Variants in FAR2 observed in about 807,000 individuals in gnomAD.
The protein encoded by FAR2 is fatty acyl-CoA reductase 2.
FAR2 carries 19 observed loss-of-function variants against 56.0 expected under a neutral mutation model. The ratio of observed to expected loss-of-function variants is 0.34; its 90% CI spans 0.24 to 0.50. FAR2 has a LOEUF of 0.50. FAR2 is among the 20% of genes least tolerant of loss of function. FAR2 has a pLI of 0.98. For missense variants in FAR2, 508 were observed against 642.2 expected, an observed-to-expected ratio of 0.79 and a Z score of 2.26; for synonymous variants, 219 against 218.8, an observed-to-expected ratio of 1.00 and a Z score of -0.01.
chr12:29,238,568 A>C (rs1947977650), intron 1 of FAR2, among the ~76,000 whole-genome samples: 1 of 152,140 alleles, frequency 6.6e-6, no homozygotes, highest in South Asian at 2.1e-4. Context: ...AAGAGTATAG[A>C]GAAATCCTGA....
chr12:29,180,982 C>A lies in FAR2; in HGVS notation c.-39+31575C>A, dbSNP rs572448620. 9.2e-5 allele frequency among the ~76,000 whole-genome samples: 14 copies of A among 152,158 alleles called. No homozygotes were observed. The East Asian group carries it at 2.7e-3, about 29-fold the overall frequency. ...AGCTTCTTTTTTTATCTTTTCCAAG[C>A]ACATATATTTTTACATAATCAATAT... is the stretch of plus-strand genomic sequence containing the variant. On this transcript the variant is annotated intron_variant, in intron 1 of 11. Coordinates refer to ENST00000536681, the MANE Select transcript of FAR2 (RefSeq NM_001271783.2).
chr12:29,232,133 C>T (rs1192665617), intron 1 of FAR2, among the ~76,000 whole-genome samples: 1 of 152,168 alleles, frequency 6.6e-6, no homozygotes, highest in East Asian at 1.9e-4. Context: ...GGTCCCAAGA[C>T]TGAACTATTT....
chr12:29,311,666 T>TCTCACACACACA (rs1555123662), intron 7 of FAR2, among the ~76,000 whole-genome samples: 13 of 147,426 alleles, frequency 8.8e-5, no homozygotes, highest in East Asian at 7.9e-4. Flanking sequence ...AACATCTCTT[T>TCTCACACACACA]CACACACACA....
At chr12:29,203,330 C>T (rs4931166) in intron 1 of FAR2, among the ~76,000 whole-genome samples, 70,820 of 152,116 alleles carry the variant, frequency 0.47, 17,707 homozygotes, top group Admixed American at 0.58. Flanking sequence ...TTGCATTTAT[C>T]GTTTTTGCAG....
intron 1 of FAR2, among the ~76,000 whole-genome samples, chr12:29,203,999 CAAAAAAAAAAAAA>C (rs34399942): frequency 5.9e-5 from 4 of 68,116 alleles, no homozygotes; most frequent in East Asian, 4.5e-4. Flanking sequence ...GATTCCATCT[CAAAAAAAAAAAAA>C]AAAAAAAAAA....
chr12:29,179,718 A>G (rs1305568817), intron 1 of FAR2, among the ~76,000 whole-genome samples: 1 of 152,180 alleles, frequency 6.6e-6, no homozygotes. Flanking sequence ...CATGGAGAGA[A>G]TCAAACTCTG....
At chr12:29,297,294 A>C (rs1458043108) in intron 4 of FAR2, 94 bp downstream of exon 4, 8 of 1,266,002 alleles carry the variant, frequency 6.3e-6, no homozygotes, top group African/African-American at 3.0e-5. Flanking sequence ...TGATGAAGTC[A>C]AACACTTTTG....
chr12:29,252,261 G>A (rs1193568472), intron 1 of FAR2, among the ~76,000 whole-genome samples: 1 of 152,126 alleles, frequency 6.6e-6, no homozygotes, highest in African/African-American at 2.4e-5. Flanking sequence ...TAAGGTCAAT[G>A]GAAAATTGCA....
intron 1 of FAR2, among the ~76,000 whole-genome samples, chr12:29,170,938 G>A (rs569788627): frequency 1.9e-4 from 29 of 152,294 alleles, no homozygotes; most frequent in Middle Eastern, 6.8e-3. Flanking sequence ...ATTTCCTTGT[G>A]GTATTTAATG....
chr12:29,262,964 T>C (rs1948448210), intron 1 of FAR2, among the ~76,000 whole-genome samples: 1 of 152,142 alleles, frequency 6.6e-6, no homozygotes, highest in Non-Finnish European at 1.5e-5. Flanking sequence ...AGATATTTCA[T>C]GCTAATGGAA....
chr12:29,182,313 C>G (rs1380007340), intron 1 of FAR2, among the ~76,000 whole-genome samples: 1 of 152,206 alleles, frequency 6.6e-6, no homozygotes, highest in African/African-American at 2.4e-5. Context: ...CTTTTATTCC[C>G]TTATTTGTCC....
intron 1 of FAR2, among the ~76,000 whole-genome samples, chr12:29,238,717 A>G (rs1947979842): frequency 6.6e-6 from 1 of 152,188 alleles, no homozygotes; most frequent in South Asian, 2.1e-4. Context: ...TTTGTTGTTT[A>G]TTGATCAAAA....
At chr12:29,204,462 G>A (rs1457834940) in intron 1 of FAR2, among the ~76,000 whole-genome samples, 1 of 152,162 alleles carries the variant, frequency 6.6e-6, no homozygotes, top group Non-Finnish European at 1.5e-5. Context: ...GGGCCTCTAT[G>A]GGGATGAGGC....
At chr12:29,155,495 C>T (rs958929342) in intron 1 of FAR2, among the ~76,000 whole-genome samples, 1 of 152,218 alleles carries the variant, frequency 6.6e-6, no homozygotes, top group Non-Finnish European at 1.5e-5. Context: ...CTCTGTGTTC[C>T]AGCCCAGGGG....
At position 29,168,034 on chromosome 12, in the gene FAR2, A is replaced by G. The variant is rs1591827115; in HGVS notation, c.-39+18627A>G. Among the ~76,000 whole-genome samples, 3 of 152,218 alleles carry G rather than the reference A, an allele frequency of 2.0e-5. No individual in the cohort carries two copies. In the East Asian group the frequency reaches 5.8e-4, roughly 29 times the overall value. On this transcript the variant is annotated intron_variant, in intron 1 of 11. Transcript: ENST00000536681. Reference sequence around the variant, plus strand: ...TCAAAATAAATGTGCATACCCTCATAGATGAAATACAAATAGTTTTTTTAC... The same window carrying G: ...TCAAAATAAATGTGCATACCCTCATGGATGAAATACAAATAGTTTTTTTAC...
chr12:29,263,569 T>C (rs1163015930), intron 1 of FAR2, among the ~76,000 whole-genome samples: 3 of 151,806 alleles, frequency 2.0e-5, no homozygotes, highest in Non-Finnish European at 4.4e-5. Flanking sequence ...AATGAAGAAA[T>C]TGAAAATTTA....
chr12:29,200,898 A>C (rs1169896861), intron 1 of FAR2, among the ~76,000 whole-genome samples: 2 of 152,198 alleles, frequency 1.3e-5, no homozygotes, highest in African/African-American at 4.8e-5. Flanking sequence ...GGCCAGTCGC[A>C]ACTGTTTACA....
At chr12:29,150,105 G>A (rs572072337) in intron 1 of FAR2, among the ~76,000 whole-genome samples, 5 of 152,282 alleles carry the variant, frequency 3.3e-5, no homozygotes, top group Non-Finnish European at 7.4e-5. Context: ...GGTGTGCAGG[G>A]GAGCAGGTGC....
intron 1 of FAR2, among the ~76,000 whole-genome samples, chr12:29,164,548 G>A (rs1780208825): frequency 6.6e-6 from 1 of 152,178 alleles, no homozygotes; most frequent in Admixed American, 6.5e-5. Context: ...TCCAACATCT[G>A]AAGGCCCTTG....
Sources: allele counts gnomAD v4.1 joint callset (sites outside exome capture counted in the v4.1 genomes callset), GRCh38; gene constraint gnomAD v4.1.1; transcripts MANE v1.5; gene names NCBI Gene and HGNC (gene_info 2026-07-23, HGNC 2026-07-21).